Variants in AGXT2 observed in about 807,000 individuals in gnomAD.
The protein encoded by AGXT2 is alanine--glyoxylate aminotransferase 2, mitochondrial.
In AGXT2, 61 loss-of-function variants were observed where a neutral mutation model predicts 62.5. The observed-to-expected ratio is 0.98, with a 90% CI of 0.79 to 1.21. The LOEUF is 1.21. AGXT2 is among the 50% of genes most tolerant of loss of function. The pLI, the probability that AGXT2 is intolerant of heterozygous loss-of-function variation, is 0.00. For missense variants in AGXT2, 666 were observed against 641.5 expected, an observed-to-expected ratio of 1.04 and a Z score of -0.41; for synonymous variants, 243 against 218.7, an observed-to-expected ratio of 1.11 and a Z score of -0.98.
At chr5:35,003,970 T>C (rs1454610443) in intron 12 of AGXT2, 109 bp from the exon 13 acceptor site, 1 of 943,462 alleles carries the variant, frequency 1.1e-6, no homozygotes, top group Non-Finnish European at 1.6e-6. Context: ...GCCCCTCTTT[T>C]TTTTCTCTCT....
intron 4 of AGXT2, 69 bp downstream of exon 4, chr5:35,036,871 CTT>C: frequency 1.2e-6 from 2 of 1,607,048 alleles, no homozygotes; most frequent in African/African-American, 1.3e-5. Context: ...ACTCCTGTCT[CTT>C]TGAGCTGGGA....
intron 9 of AGXT2, among the ~76,000 whole-genome samples, chr5:35,018,201 C>G (rs163903): frequency 0.46 from 69,160 of 151,970 alleles, 16,111 homozygotes; most frequent in African/African-American, 0.54. Flanking sequence ...GGCCAACATT[C>G]AGATTCAGGA....
rs144816927 is a variant in AGXT2, at chr5:35,047,875, T to C, written c.18A>G (p.Arg6=). ...CCAGGCACAAGGGTCTCAGCAAATG[T>C]CTCCAGATTAGAGTCATTTCTCCCA... The part of the protein sequence containing the change: MTLIW[R]HLLRPLCLVT... The change falls in exon 1 of 14, where the codon AGA becomes AGG. Residue 6 remains arginine, a synonymous_variant. Transcript: ENST00000231420. 36 of 1,613,992 alleles carry C rather than the reference T, an allele frequency of 2.2e-5. No homozygotes were observed. In the African/African-American group the frequency reaches 3.2e-4, roughly 14 times the overall value.
chr5:35,030,870 A>G lies in AGXT2; in HGVS notation c.769+1862T>C, dbSNP rs191951336. Among the ~76,000 whole-genome samples, 16 of 152,324 alleles carry G rather than the reference A, an allele frequency of 1.1e-4. No individual in the cohort carries two copies. In the East Asian group the frequency reaches 3.1e-3, roughly 29 times the overall value. ...TGCCTTACAGATGCAATATTCAAAT[A>G]CGGCTTTACCAGGCATTGCTATGGT... On this transcript the variant is annotated intron_variant, in intron 7 of 13. Coordinates refer to ENST00000231420, the MANE Select transcript of AGXT2 (RefSeq NM_031900.4).
intron 9 of AGXT2, among the ~76,000 whole-genome samples, chr5:35,015,958 A>C (rs920851748): frequency 6.6e-5 from 10 of 151,558 alleles, no homozygotes; most frequent in Non-Finnish European, 1.3e-4. Context: ...CCAGTGTAGG[A>C]GAAGAGCTTA....
In AGXT2 at chr5:35,026,486, T is replaced by C. The variant is rs561547784; in HGVS notation, c.794A>G (p.Tyr265Cys). 3.5e-5 allele frequency: 57 copies of C among 1,613,926 alleles called. 1 individual carries two copies. In the South Asian group the frequency reaches 5.7e-4, roughly 16 times the overall value. The change falls in exon 8 of 14, where the codon TAT becomes TGT. Residue 265 changes from tyrosine (Y) to cysteine (C), a missense_variant. Transcript: ENST00000231420. ...APDCCQAKDQYIEQFKDTLST... is the reference protein window; with the variant it reads ...APDCCQAKDQCIEQFKDTLST... ...CAGCGTATCTTTGAATTGCTCAATA[T>C]ACTGATCTTTAGCTTGGCAGCAGTC...
chr5:35,001,181 A>C (rs1766215668), intron 13 of AGXT2, among the ~76,000 whole-genome samples: 2 of 152,250 alleles, frequency 1.3e-5, no homozygotes, highest in East Asian at 1.9e-4. Context: ...ACTATAAGTC[A>C]AGAAGCATCT....
rs1767007203 is a variant in AGXT2 at position 35,020,051 on chromosome 5, T to C, written c.963+5712A>G. Among the ~76,000 whole-genome samples the C allele has an allele frequency of 2.0e-5, 3 of 152,246 alleles. No homozygotes were observed. In the South Asian group the frequency reaches 6.2e-4, roughly 32 times the overall value. On this transcript the variant is annotated intron_variant, in intron 9 of 13. Transcript: ENST00000231420. ...GAAATTGAATCTCTGAATAGACCAATAACAGGATCTGAAATTGTGGCAATA... is the reference window on the plus strand; with the variant it reads ...GAAATTGAATCTCTGAATAGACCAACAACAGGATCTGAAATTGTGGCAATA...
At position 35,039,429 on chromosome 5, in the gene AGXT2, A is replaced by C. The variant is rs1258884243; in HGVS notation, c.257T>G (p.Leu86Arg). The change falls in exon 3 of 14, where the codon CTG becomes CGG. Residue 86 changes from leucine to arginine, a missense_variant. Coordinates refer to ENST00000231420, the MANE Select transcript of AGXT2 (RefSeq NM_031900.4). The stretch of plus-strand genomic sequence containing the variant: ...CTCCATGTGCCCCTGGTGGAGCAGC[A>C]GGGGTTTCTGGAAATATGCCGTCAC... ...PVVTAYFQKP[L>R]LLHQGHMEWL... 1.2e-6 allele frequency: 2 copies of C among 1,614,148 alleles called. No individual in the cohort carries two copies. Among genetic ancestry groups the C allele is most frequent in the Admixed American group, 3.3e-5 (2 of 60,020 alleles).
intron 7 of AGXT2, among the ~76,000 whole-genome samples, chr5:35,030,795 G>A (rs1767535078): frequency 6.6e-6 from 1 of 152,208 alleles, no homozygotes; most frequent in South Asian, 2.1e-4. Flanking sequence ...TGGTGGTTTT[G>A]CAGTCAGACC....
At chr5:35,001,511 C>A (rs1766224401) in intron 13 of AGXT2, among the ~76,000 whole-genome samples, 1 of 152,166 alleles carries the variant, frequency 6.6e-6, no homozygotes, top group South Asian at 2.1e-4. Flanking sequence ...CATTACTTAA[C>A]CTCTCTGTGT....
chr5:35,020,316 A>G (rs1767019465), intron 9 of AGXT2, among the ~76,000 whole-genome samples: 1 of 152,192 alleles, frequency 6.6e-6, no homozygotes, highest in South Asian at 2.1e-4. Context: ...TTGATGCAAA[A>G]ATCCTCAATA....
At chr5:35,047,657 G>A (rs1252573646) in intron 1 of AGXT2, 148 bp downstream of exon 1, 5 of 1,003,584 alleles carry the variant, frequency 5.0e-6, no homozygotes, top group East Asian at 2.7e-5. Flanking sequence ...TTGACTCAGG[G>A]TGAGAACCTG....
chr5:35,043,272 G>C (rs1233644748), intron 1 of AGXT2, among the ~76,000 whole-genome samples: 1 of 152,044 alleles, frequency 6.6e-6, no homozygotes, highest in Non-Finnish European at 1.5e-5. Flanking sequence ...TCAGCCCAGA[G>C]GGAGTATTTA....
intron 12 of AGXT2, among the ~76,000 whole-genome samples, chr5:35,004,267 G>A (rs1338779546): frequency 6.6e-6 from 1 of 152,124 alleles, no homozygotes; most frequent in Non-Finnish European, 1.5e-5. Context: ...TCATTTCAAA[G>A]GCCAGGAAAT....
chr5:35,031,637 T>C (rs1767560561), intron 7 of AGXT2, among the ~76,000 whole-genome samples: 1 of 152,176 alleles, frequency 6.6e-6, no homozygotes, highest in Admixed American at 6.5e-5. Flanking sequence ...CTGTTAAGCG[T>C]AGGTAAAGAA....
In AGXT2 at chr5:35,021,740, A is replaced by C. The variant is rs1429417747; in HGVS notation, c.963+4023T>G. 1.2e-4 allele frequency among the ~76,000 whole-genome samples: 19 copies of C among 152,082 alleles called. No individual in the cohort carries two copies. The East Asian group carries it at 3.5e-3, about 28-fold the overall frequency. ...TGACAAATGGGATCTAATTAAACTA[A>C]AGAGCTTCTGCACAGCAAAAGAAAC... On this transcript the variant is annotated intron_variant, in intron 9 of 13. Coordinates refer to ENST00000231420, the MANE Select transcript of AGXT2 (RefSeq NM_031900.4).
At chr5:35,000,254 C>T (rs1427667643) in intron 13 of AGXT2, among the ~76,000 whole-genome samples, 2 of 143,002 alleles carry the variant, frequency 1.4e-5, no homozygotes, top group Admixed American at 7.1e-5. Flanking sequence ...TCCCCCACTT[C>T]CTGAACCTCT....
chr5:35,040,082 AGG>A (rs1347601773), intron 2 of AGXT2, among the ~76,000 whole-genome samples: 9 of 151,944 alleles, frequency 5.9e-5, no homozygotes, highest in South Asian at 2.1e-4. Flanking sequence ...AGAGAGAGAG[AGG>A]GAGAAAGAAA....
Sources: allele counts gnomAD v4.1 joint callset (sites outside exome capture counted in the v4.1 genomes callset), GRCh38; gene constraint gnomAD v4.1.1; transcripts MANE v1.5; gene names NCBI Gene and HGNC (gene_info 2026-07-23, HGNC 2026-07-21).